CNTN4: variants seen among roughly 807,000 people sequenced by gnomAD.
CNTN4 encodes contactin 4, also known as contactin-4.
A neutral mutation model predicts 122.5 loss-of-function variants in CNTN4; 77 were observed. The ratio of observed to expected loss-of-function variants is 0.63; its 90% confidence interval spans 0.52 to 0.76. CNTN4 has a LOEUF of 0.76. Ranked by LOEUF, CNTN4 falls within the 30% of genes least tolerant of loss-of-function variation. The pLI is 0.00. For synonymous variants in CNTN4, 512 were observed against 447.0 expected (o/e 1.15, Z -1.83); for missense variants, 1,256 against 1,259.1 (o/e 1.00, Z 0.04).
intron 4 of CNTN4, 123 bp from the exon 5 acceptor site, chr3:2,736,092 C>A: frequency 1.0e-6 from 1 of 962,490 alleles, no homozygotes; most frequent in Non-Finnish European, 1.7e-6. Flanking sequence ...TGAAACACAG[C>A]CTGTTGTGCC....
intron 10 of CNTN4, among the ~76,000 whole-genome samples, chr3:2,900,391 A>T (rs1363554909): frequency 4.6e-5 from 7 of 152,204 alleles, no homozygotes; most frequent in Non-Finnish European, 8.8e-5. Context: ...ACTGAAAGGA[A>T]AAAAGGAATA....
At position 2,696,264 on chromosome 3, in the gene CNTN4, A is replaced by G. The variant is rs75499534; in HGVS notation, c.56-39951A>G. Among the ~76,000 whole-genome samples the G allele has an allele frequency of 3.3e-5, 5 of 152,342 alleles. No homozygotes were observed. The East Asian group carries it at 9.6e-4, about 29-fold the overall frequency. ...CGAAGTGGAGTTTTAGGTAATACAT[A>G]TCATTAAAGGCATTGCTATGAGTTG... is the stretch of plus-strand genomic sequence containing the variant. On this transcript the variant is annotated intron_variant, in intron 4 of 24. Transcript: ENST00000418658.
chr3:2,103,061 A>G lies in CNTN4; in HGVS notation c.-145+2422A>G, dbSNP rs375062097. On this transcript the variant is annotated intron_variant, in intron 2 of 24. Transcript: ENST00000418658. ...ACTTTGCCCTTCTAATATTATCTCT[A>G]TTGTACAGATGAGGAAAACTAGGCA... Among the ~76,000 whole-genome samples, 9 of 152,038 alleles carry G rather than the reference A, an allele frequency of 5.9e-5. No individual in the cohort carries two copies. In the East Asian group the frequency reaches 1.2e-3, roughly 20 times the overall value.
intron 7 of CNTN4, among the ~76,000 whole-genome samples, chr3:2,823,155 A>C (rs1010356400): frequency 6.6e-6 from 1 of 152,290 alleles, no homozygotes; most frequent in African/African-American, 2.4e-5. Flanking sequence ...TGTCACCCTA[A>C]AGCGAGAAGA....
chr3:2,705,904 TTA>T (rs72180524), intron 4 of CNTN4, among the ~76,000 whole-genome samples: 69,689 of 114,458 alleles, frequency 0.61, 21,877 homozygotes, highest in East Asian at 0.81. Flanking sequence ...AAAATATATA[TTA>T]TATATAAAAT....
At chr3:2,961,667 G>A (rs1391933) in intron 13 of CNTN4, among the ~76,000 whole-genome samples, 1 of 151,926 alleles carries the variant, frequency 6.6e-6, no homozygotes, top group African/African-American at 2.4e-5. Context: ...GCCATCCTTT[G>A]AAGTCACACA....
chr3:2,711,916 G>T (rs1406552531), intron 4 of CNTN4, among the ~76,000 whole-genome samples: 2 of 152,144 alleles, frequency 1.3e-5, no homozygotes, highest in Non-Finnish European at 1.5e-5. Flanking sequence ...ATATTTTTGA[G>T]CATATGAATA....
chr3:2,629,523 T>C (rs1340508825), intron 4 of CNTN4: 3 of 453,106 alleles, frequency 6.6e-6, no homozygotes, highest in Non-Finnish European at 1.3e-5. Context: ...CTTCCCGTTC[T>C]AGGTTCACAG....
chr3:2,101,468 A>C (rs1460599757), intron 2 of CNTN4, among the ~76,000 whole-genome samples: 1 of 152,190 alleles, frequency 6.6e-6, no homozygotes, highest in Non-Finnish European at 1.5e-5. Context: ...AAAAATTAAT[A>C]TTTTGTAAAA....
At chr3:2,826,390 G>A (rs899507391) in intron 7 of CNTN4, among the ~76,000 whole-genome samples, 2 of 152,144 alleles carry the variant, frequency 1.3e-5, no homozygotes, top group African/African-American at 4.8e-5. Flanking sequence ...TTCCATAAAT[G>A]TAATTTTACG....
rs116885252 is a variant in CNTN4 at position 2,259,845 on chromosome 3, C to T, written c.-144-79333C>T. Among the ~76,000 whole-genome samples the T allele has an allele frequency of 6.0e-4, 91 of 152,256 alleles. 1 individual carries two copies. The East Asian group carries it at 0.017, about 28-fold the overall frequency. ...GAGCATCAGACCTGGGGTTCACATCCTCGTATCTTTGCATTCTTTCCCATC... is the reference window on the plus strand; with the variant it reads ...GAGCATCAGACCTGGGGTTCACATCTTCGTATCTTTGCATTCTTTCCCATC... On this transcript the variant is annotated intron_variant, in intron 2 of 24. Coordinates refer to ENST00000418658, the MANE Select transcript of CNTN4 (RefSeq NM_175607.3).
chr3:2,380,655 A>G (rs182154645), intron 3 of CNTN4, among the ~76,000 whole-genome samples: 31 of 152,186 alleles, frequency 2.0e-4, no homozygotes, highest in African/African-American at 7.5e-4. Flanking sequence ...TGCCAAATTC[A>G]GTATATCCAG....
intron 4 of CNTN4, among the ~76,000 whole-genome samples, chr3:2,683,482 A>C (rs1039029222): frequency 6.8e-6 from 1 of 147,996 alleles, no homozygotes; most frequent in Non-Finnish European, 1.5e-5. Context: ...CTCTGAACAC[A>C]TGTCCACATG....
chr3:2,150,740 A>T (rs1377087941), intron 2 of CNTN4, among the ~76,000 whole-genome samples: 10 of 152,220 alleles, frequency 6.6e-5, no homozygotes, highest in Non-Finnish European at 1.5e-4. Context: ...ATCTTGGAAG[A>T]GCAGGGCACT....
intron 7 of CNTN4, among the ~76,000 whole-genome samples, chr3:2,857,890 A>G (rs1021284390): frequency 6.6e-5 from 10 of 152,204 alleles, no homozygotes; most frequent in African/African-American, 2.4e-4. Context: ...CAAAATACTC[A>G]TATTAGCTTA....
chr3:2,722,986 T>C (rs555057178), intron 4 of CNTN4, among the ~76,000 whole-genome samples: 1 of 152,306 alleles, frequency 6.6e-6, no homozygotes, highest in East Asian at 1.9e-4. Context: ...TGCTGTCTAT[T>C]GAAGGGAAAT....
At chr3:2,948,355 G>A (rs962266160) in intron 13 of CNTN4, among the ~76,000 whole-genome samples, 3 of 152,130 alleles carry the variant, frequency 2.0e-5, no homozygotes, top group African/African-American at 7.2e-5. Flanking sequence ...ATGCAAAGTG[G>A]AACAAATAAA....
intron 3 of CNTN4, among the ~76,000 whole-genome samples, chr3:2,568,947 C>CCCGAGGT (rs1478545512): frequency 6.6e-6 from 1 of 152,124 alleles, no homozygotes; most frequent in East Asian, 1.9e-4. Context: ...GTAGATCAAT[C>CCCGAGGT]CCGAGGTCCG....
At chr3:3,024,382 A>AT (rs1371333185) in intron 14 of CNTN4, among the ~76,000 whole-genome samples, 3 of 122,852 alleles carry the variant, frequency 2.4e-5, no homozygotes, top group Admixed American at 8.3e-5. Context: ...TCTTTTCCTC[A>AT]TTAAAAAAAA....
Sources: allele counts gnomAD v4.1 joint callset (sites outside exome capture counted in the v4.1 genomes callset), GRCh38; gene constraint gnomAD v4.1.1; transcripts MANE v1.5; gene names NCBI Gene and HGNC (gene_info 2026-07-23, HGNC 2026-07-21).